The following CADM2 variants were observed in gnomAD, a reference collection of about 807,000 sequenced individuals.
The protein encoded by CADM2 is immunoglobulin superfamily member 4D.
In CADM2, 12 loss-of-function variants were observed where a neutral mutation model predicts 49.8. That is an observed-to-expected ratio of 0.24 (90% CI 0.15 to 0.39). The LOEUF is 0.39. Among genes scored for constraint, CADM2 ranks in the 10% least tolerant of loss-of-function variants. CADM2 has a pLI of 1.00. For missense variants in CADM2, 378 were observed against 492.3 expected (o/e 0.77, Z 2.20); for synonymous variants, 214 against 175.4 (o/e 1.22, Z -1.74).
intron 1 of CADM2, among the ~76,000 whole-genome samples, chr3:85,245,851 C>T (rs1471019868): frequency 6.6e-6 from 1 of 152,170 alleles, no homozygotes; most frequent in African/African-American, 2.4e-5. Flanking sequence ...TCACACAAGA[C>T]AGGTGTTAAT....
chr3:85,630,504 C>T (rs1252663017), intron 1 of CADM2, among the ~76,000 whole-genome samples: 1 of 151,924 alleles, frequency 6.6e-6, no homozygotes, highest in East Asian at 1.9e-4. Context: ...TATATAAAAT[C>T]ATGTGAGTAG....
chr3:85,769,204 T>C (rs188099967), intron 2 of CADM2, among the ~76,000 whole-genome samples: 13 of 115,650 alleles, frequency 1.1e-4, no homozygotes, highest in Middle Eastern at 0.011. Context: ...TATATACACA[T>C]ATATACATAT....
At chr3:85,752,896 G>C (rs2068930112) in intron 2 of CADM2, among the ~76,000 whole-genome samples, 1 of 152,056 alleles carries the variant, frequency 6.6e-6, no homozygotes, top group South Asian at 2.1e-4. Flanking sequence ...TAAAGGAAAA[G>C]AGTACAAAAG....
chr3:85,928,911 T>C (rs1470837824), intron 6 of CADM2, among the ~76,000 whole-genome samples: 1 of 152,148 alleles, frequency 6.6e-6, no homozygotes, highest in Non-Finnish European at 1.5e-5. Context: ...ATATTACAAA[T>C]ATACATTATG....
At chr3:85,760,504 C>T (rs1383398032) in intron 2 of CADM2, among the ~76,000 whole-genome samples, 3 of 152,078 alleles carry the variant, frequency 2.0e-5, no homozygotes, top group South Asian at 2.1e-4. Flanking sequence ...AACAACTCAT[C>T]GACATGAACT....
chr3:85,292,127 G>A (rs1029349171), intron 1 of CADM2, among the ~76,000 whole-genome samples: 13 of 147,558 alleles, frequency 8.8e-5, no homozygotes, highest in African/African-American at 3.3e-4. Context: ...AAAAAAGGCA[G>A]GGGTTGCAAT....
intron 2 of CADM2, among the ~76,000 whole-genome samples, chr3:85,768,154 T>A (rs1489616584): frequency 6.6e-6 from 1 of 152,110 alleles, no homozygotes; most frequent in African/African-American, 2.4e-5. Context: ...TTATTTAAAA[T>A]ATATTTTACT....
chr3:85,543,423 T>TGTGTCGGGGTGTGTGTGTGTGTGG (rs2061594381), intron 1 of CADM2, among the ~76,000 whole-genome samples: 1 of 99,190 alleles, frequency 1.0e-5, no homozygotes, highest in East Asian at 2.3e-4. Context: ...CAAGCTAATG[T>TGTGTCGGGGTGTGTGTGTGTGTGG]GTGTGTGTGT....
intron 1 of CADM2, among the ~76,000 whole-genome samples, chr3:85,489,087 T>C (rs1176548356): frequency 1.3e-5 from 2 of 152,192 alleles, no homozygotes; most frequent in African/African-American, 2.4e-5. Context: ...AAATAAAATA[T>C]CTTAGTTTTA....
chr3:85,460,050 T>G (rs1222703649), intron 1 of CADM2, among the ~76,000 whole-genome samples: 2 of 152,178 alleles, frequency 1.3e-5, no homozygotes, highest in African/African-American at 4.8e-5. Flanking sequence ...TAAAAAATGT[T>G]TTCATCTCTT....
intron 1 of CADM2, among the ~76,000 whole-genome samples, chr3:85,062,659 A>G (rs2036375730): frequency 6.6e-6 from 1 of 151,806 alleles, no homozygotes; most frequent in Non-Finnish European, 1.5e-5. Context: ...GAATACATTA[A>G]TGTAATATTT....
intron 1 of CADM2, among the ~76,000 whole-genome samples, chr3:85,673,622 TGTAA>T (rs1176110707): frequency 1.3e-5 from 2 of 151,834 alleles, no homozygotes; most frequent in Non-Finnish European, 2.9e-5. Context: ...CTGGAGAGCT[TGTAA>T]GTAAGATGTT....
At chr3:85,496,482 G>A (rs2039903577) in intron 1 of CADM2, among the ~76,000 whole-genome samples, 1 of 152,116 alleles carries the variant, frequency 6.6e-6, no homozygotes, top group African/African-American at 2.4e-5. Flanking sequence ...TTGCTATTGT[G>A]AATAGTGTTG....
intron 1 of CADM2, among the ~76,000 whole-genome samples, chr3:85,039,907 A>C (rs1308737632): frequency 6.6e-6 from 1 of 152,210 alleles, no homozygotes. Flanking sequence ...CAGCAGCCAA[A>C]AGTTAATACT....
intron 8 of CADM2, among the ~76,000 whole-genome samples, chr3:85,991,785 A>G (rs1365797048): frequency 6.6e-6 from 1 of 152,136 alleles, no homozygotes; most frequent in Non-Finnish European, 1.5e-5. Context: ...ATTTGGACTT[A>G]TTAATATTAA....
At chr3:85,522,500 C>A (rs2061046918) in intron 1 of CADM2, among the ~76,000 whole-genome samples, 1 of 152,064 alleles carries the variant, frequency 6.6e-6, no homozygotes, top group Non-Finnish European at 1.5e-5. Flanking sequence ...ATACTGTAGT[C>A]AAATTGTGAT....
intron 1 of CADM2, among the ~76,000 whole-genome samples, chr3:85,025,710 A>T (rs1380528568): frequency 6.6e-6 from 1 of 152,112 alleles, no homozygotes; most frequent in Non-Finnish European, 1.5e-5. Context: ...TCCATGTCAA[A>T]TGACCGTCGT....
rs146159915 is a variant in CADM2 at position 85,482,355 on chromosome 3, A to G, written c.62-244167A>G. Among the ~76,000 whole-genome samples, 39 of 151,936 alleles carry G rather than the reference A, an allele frequency of 2.6e-4. 1 individual carries two copies. The East Asian group carries it at 7.5e-3, about 29-fold the overall frequency. On this transcript the variant is annotated intron_variant, in intron 1 of 9. Transcript: ENST00000383699. The stretch of plus-strand genomic sequence containing the variant: ...GTATTTCTAAGCATCTGAATACACT[A>G]TAATAGTTTTTGAGAGTTTGTCAGA...
chr3:85,425,531 T>C (rs1359858649), intron 1 of CADM2, among the ~76,000 whole-genome samples: 1 of 152,204 alleles, frequency 6.6e-6, no homozygotes, highest in Non-Finnish European at 1.5e-5. Flanking sequence ...CTTTATCTTT[T>C]TGAAAGTACA....
Sources: gnomAD v4.1 joint callset for allele counts (sites outside exome capture counted in the v4.1 genomes callset) on GRCh38, gnomAD v4.1.1 for gene constraint, MANE v1.5 for transcripts, NCBI Gene and HGNC (gene_info 2026-07-23, HGNC 2026-07-21) for gene names.